The following FHIT variants were observed in gnomAD, a reference collection of about 807,000 sequenced individuals.
FHIT encodes the protein bis(5'-adenosyl)-triphosphatase.
In FHIT, 19 loss-of-function variants were observed where a neutral mutation model predicts 17.9. That is an observed-to-expected ratio of 1.06 (90% confidence interval 0.74 to 1.56). The LOEUF is 1.56. Among genes scored for constraint, FHIT ranks in the 40% most tolerant of loss-of-function variants. The pLI is 0.00. For missense variants in FHIT, 248 were observed against 189.2 expected (o/e 1.31, Z -1.82); for synonymous variants, 81 against 69.7 (o/e 1.16, Z -0.81).
intron 8 of FHIT, among the ~76,000 whole-genome samples, chr3:59,915,412 G>C (rs1022905788): frequency 6.6e-6 from 1 of 152,162 alleles, no homozygotes. Flanking sequence ...GCAATTTTGG[G>C]AAACTAATCT....
At chr3:61,203,097 G>T (rs2039082085) in intron 1 of FHIT, among the ~76,000 whole-genome samples, 1 of 149,842 alleles carries the variant, frequency 6.7e-6, no homozygotes, top group Admixed American at 6.8e-5. Flanking sequence ...GGAGAATGGT[G>T]TGAACCTGGG....
intron 5 of FHIT, among the ~76,000 whole-genome samples, chr3:60,339,548 C>T (rs184100749): frequency 1.2e-4 from 18 of 152,276 alleles, no homozygotes; most frequent in Admixed American, 5.2e-4. Context: ...GGACGCGAGC[C>T]GATCAGTTTA....
At chr3:59,831,502 C>A (rs540557737) in intron 8 of FHIT, among the ~76,000 whole-genome samples, 1 of 152,046 alleles carries the variant, frequency 6.6e-6, no homozygotes, top group African/African-American at 2.4e-5. Context: ...GTTTGACTTC[C>A]GAGCCTGTGC....
At chr3:60,590,246 A>G (rs1576933194) in intron 4 of FHIT, among the ~76,000 whole-genome samples, 1 of 152,198 alleles carries the variant, frequency 6.6e-6, no homozygotes, top group Non-Finnish European at 1.5e-5. Flanking sequence ...CGGACATCAA[A>G]GATCTAATTC....
intron 5 of FHIT, among the ~76,000 whole-genome samples, chr3:60,015,171 C>A (rs1310778673): frequency 6.6e-6 from 1 of 152,062 alleles, no homozygotes; most frequent in Non-Finnish European, 1.5e-5. Flanking sequence ...CATAATAAAA[C>A]CATAATTCTG....
chr3:59,887,896 T>C (rs1222460498), intron 8 of FHIT, among the ~76,000 whole-genome samples: 2 of 152,210 alleles, frequency 1.3e-5, no homozygotes, highest in Non-Finnish European at 2.9e-5. Context: ...TCTCCCTGGA[T>C]TTTATGCAGA....
At chr3:60,108,174 A>G (rs530736743) in intron 5 of FHIT, among the ~76,000 whole-genome samples, 4 of 152,176 alleles carry the variant, frequency 2.6e-5, no homozygotes, top group Non-Finnish European at 5.9e-5. Context: ...AGCTAATTCA[A>G]TGTGTCCACT....
chr3:59,793,447 T>C (rs886169384), intron 8 of FHIT, among the ~76,000 whole-genome samples: 12 of 152,058 alleles, frequency 7.9e-5, no homozygotes, highest in Non-Finnish European at 1.2e-4. Flanking sequence ...GTCCCTTGTT[T>C]TACCAAAGAC....
chr3:60,201,226 G>A (rs1015207186), intron 5 of FHIT, among the ~76,000 whole-genome samples: 3 of 152,090 alleles, frequency 2.0e-5, no homozygotes, highest in African/African-American at 4.8e-5. Flanking sequence ...CCAGTCTCAC[G>A]GTGGGAAACG....
chr3:61,201,327 C>T (rs1560066162), intron 1 of FHIT, among the ~76,000 whole-genome samples: 3 of 152,186 alleles, frequency 2.0e-5, no homozygotes, highest in Admixed American at 6.5e-5. Context: ...ACACACAAAT[C>T]AATGTGACAA....
chr3:59,987,108 CTA>C (rs975571329), intron 7 of FHIT, among the ~76,000 whole-genome samples: 1 of 132,150 alleles, frequency 7.6e-6, no homozygotes, highest in South Asian at 2.5e-4. Flanking sequence ...TATAAAAAAT[CTA>C]TATATTTTAT....
At chr3:60,115,793 G>A (rs573998304) in intron 5 of FHIT, among the ~76,000 whole-genome samples, 1 of 152,166 alleles carries the variant, frequency 6.6e-6, no homozygotes, top group Non-Finnish European at 1.5e-5. Context: ...GTATAAAAAA[G>A]TAGAACACAA....
chr3:60,129,049 G>GTTTTTTT (rs1553692328), intron 5 of FHIT, among the ~76,000 whole-genome samples: 16 of 121,036 alleles, frequency 1.3e-4, no homozygotes, highest in East Asian at 2.2e-4. Context: ...TTCCTTTTTT[G>GTTTTTTT]TTTGTTTTTT....
chr3:59,878,586 G>A (rs73100628), intron 8 of FHIT, among the ~76,000 whole-genome samples: 3,323 of 152,248 alleles, frequency 0.022, 45 homozygotes, highest in South Asian at 0.063. Context: ...TAAGCACCAG[G>A]TAGAGCCAGG....
At chr3:60,299,256 A>G (rs1002711413) in intron 5 of FHIT, among the ~76,000 whole-genome samples, 5 of 152,112 alleles carry the variant, frequency 3.3e-5, no homozygotes, top group African/African-American at 1.2e-4. Flanking sequence ...ACCCTACTTG[A>G]TCATGATGTA....
intron 5 of FHIT, among the ~76,000 whole-genome samples, chr3:60,114,036 A>T (rs9862819): frequency 6.9e-4 from 7 of 10,202 alleles, no homozygotes; most frequent in Non-Finnish European, 8.4e-4. Context: ...AAAAAAAAAA[A>T]ATATATATAT....
At chr3:61,136,273 T>C (rs1383596510) in intron 2 of FHIT, among the ~76,000 whole-genome samples, 1 of 151,576 alleles carries the variant, frequency 6.6e-6, no homozygotes, top group Non-Finnish European at 1.5e-5. Context: ...AAAGCTGGTT[T>C]GTAATTAGTT....
At chr3:60,965,680 C>T (rs548679246) in intron 3 of FHIT, among the ~76,000 whole-genome samples, 116 of 152,330 alleles carry the variant, frequency 7.6e-4, no homozygotes, top group African/African-American at 2.6e-3. Flanking sequence ...AGCTGCAGGT[C>T]TGTTGGAGTT....
chr3:60,014,668 G>A (rs953950538), intron 5 of FHIT, among the ~76,000 whole-genome samples: 1 of 152,190 alleles, frequency 6.6e-6, no homozygotes, highest in Non-Finnish European at 1.5e-5. Context: ...TTTTAAAAGA[G>A]TATAGACATT....
Sources: allele counts gnomAD v4.1 joint callset (sites outside exome capture counted in the v4.1 genomes callset), GRCh38; gene constraint gnomAD v4.1.1; transcripts MANE v1.5; gene names NCBI Gene and HGNC (gene_info 2026-07-23, HGNC 2026-07-21).